The following FGF10 variants were observed in gnomAD, a reference collection of about 807,000 sequenced individuals.
The protein encoded by FGF10 is FGF-10.
A neutral mutation model predicts 19.8 loss-of-function variants in FGF10; 2 were observed. That is an observed-to-expected ratio of 0.10 (90% CI 0.04 to 0.32). The LOEUF is 0.32. FGF10 is among the 10% of genes least tolerant of loss of function. The pLI is 1.00. For missense variants in FGF10, 191 were observed against 246.3 expected, an observed-to-expected ratio of 0.78 and a Z score of 1.50; for synonymous variants, 112 against 94.0, an observed-to-expected ratio of 1.19 and a Z score of -1.10.
chr5:44,353,597 GAGCTC>G (rs1319615866), intron 1 of FGF10, among the ~76,000 whole-genome samples: 105 of 151,438 alleles, frequency 6.9e-4, no homozygotes, highest in Non-Finnish European at 1.2e-4. Flanking sequence ...AATATTATGA[GAGCTC>G]AGGTACCTTC....
intron 1 of FGF10, among the ~76,000 whole-genome samples, chr5:44,322,348 C>T (rs1740513293): frequency 6.6e-6 from 1 of 152,148 alleles, no homozygotes; most frequent in South Asian, 2.1e-4. Flanking sequence ...GATGAGTGAA[C>T]ATTGGGATTT....
intron 1 of FGF10, among the ~76,000 whole-genome samples, chr5:44,312,369 C>T (rs946311692): frequency 1.3e-5 from 2 of 151,990 alleles, no homozygotes; most frequent in African/African-American, 2.4e-5. Context: ...TGATAAAGGT[C>T]GGTAATAATG....
intron 1 of FGF10, among the ~76,000 whole-genome samples, chr5:44,320,282 CTAGCACTTAATT>C (rs1740453170): frequency 6.6e-6 from 1 of 152,200 alleles, no homozygotes; most frequent in African/African-American, 2.4e-5. Flanking sequence ...AAGTCAGAAT[CTAGCACTTAATT>C]TAGTCCATGT....
chr5:44,308,490 T>C (rs1740134633), intron 2 of FGF10, among the ~76,000 whole-genome samples: 1 of 152,190 alleles, frequency 6.6e-6, no homozygotes, highest in Non-Finnish European at 1.5e-5. Context: ...ATGTACCTGG[T>C]TCTCTTCCCC....
At chr5:44,380,999 G>A (rs1400688520) in intron 1 of FGF10, among the ~76,000 whole-genome samples, 2 of 152,078 alleles carry the variant, frequency 1.3e-5, no homozygotes, top group Non-Finnish European at 2.9e-5. Flanking sequence ...CCAGACAAAG[G>A]CAAAAATGTG....
At chr5:44,344,458 A>C (rs1405633398) in intron 1 of FGF10, among the ~76,000 whole-genome samples, 2 of 151,868 alleles carry the variant, frequency 1.3e-5, no homozygotes, top group Non-Finnish European at 2.9e-5. Flanking sequence ...TTATTACAAA[A>C]TTTCAAACAA....
intron 1 of FGF10, among the ~76,000 whole-genome samples, chr5:44,357,312 C>T (rs956850598): frequency 1.3e-5 from 2 of 151,518 alleles, no homozygotes; most frequent in South Asian, 4.2e-4. Flanking sequence ...AAAGTCACAG[C>T]TTCCCAGTGT....
At chr5:44,340,096 C>T (rs1448041) in intron 1 of FGF10, among the ~76,000 whole-genome samples, 18,313 of 151,952 alleles carry the variant, frequency 0.12, 2,719 homozygotes, top group African/African-American at 0.34. Flanking sequence ...TTTTCCATTT[C>T]GCACACATCT....
intron 1 of FGF10, among the ~76,000 whole-genome samples, chr5:44,369,492 T>C (rs1015123570): frequency 6.6e-6 from 1 of 152,080 alleles, no homozygotes; most frequent in Non-Finnish European, 1.5e-5. Flanking sequence ...AGGGAAGAGC[T>C]CTCAATCCCT....
chr5:44,385,990 G>A (rs1033473618), intron 1 of FGF10, among the ~76,000 whole-genome samples: 9 of 152,014 alleles, frequency 5.9e-5, no homozygotes, highest in Admixed American at 2.0e-4. Context: ...ACTGTTAACC[G>A]TTGATTAAGA....
intron 1 of FGF10, among the ~76,000 whole-genome samples, chr5:44,340,446 T>C (rs1740943667): frequency 6.6e-6 from 1 of 152,092 alleles, no homozygotes; most frequent in Non-Finnish European, 1.5e-5. Context: ...AAAAATATTA[T>C]GAGATATAAT....
In FGF10 at chr5:44,388,421, A is replaced by G; in HGVS notation, c.262T>C (p.Tyr88His). Reference protein sequence around the residue: ...RWRKLFSFTKYFLKIEKNGKV... With the variant: ...RWRKLFSFTKHFLKIEKNGKV... ...CCGTTCTTCTCAATCTTGAGAAAGT[A>G]CTTGGTGAAAGAGAATAGCTTTCTC... Residue 88 changes from tyrosine to histidine, a missense_variant, in exon 1 of 3, where the codon TAC becomes CAC. This residue lies in a region of FGF10 where 99 missense variants were observed against 161.7 expected (regional missense o/e 0.61). Coordinates refer to ENST00000264664, the MANE Select transcript of FGF10 (RefSeq NM_004465.2). 6.2e-7 allele frequency: 1 copy of G among 1,613,896 alleles called. No homozygotes were observed. Among genetic ancestry groups the G allele is most frequent in the Non-Finnish European group, 8.5e-7 (1 of 1,180,002 alleles).
chr5:44,349,451 T>TATATATATATATATATATATATATCATA (rs1741178685), intron 1 of FGF10, among the ~76,000 whole-genome samples: 1 of 16,696 alleles, frequency 6.0e-5, no homozygotes, highest in Non-Finnish European at 1.6e-4. Flanking sequence ...TATATATATA[T>TATATATATATATATATATATATATCATA]ATATATATAT....
chr5:44,342,571 C>T (rs768285364), intron 1 of FGF10, among the ~76,000 whole-genome samples: 12 of 150,856 alleles, frequency 8.0e-5, no homozygotes, highest in Non-Finnish European at 1.6e-4. Context: ...CTGATTGCCA[C>T]GTATAGGTTA....
intron 1 of FGF10, among the ~76,000 whole-genome samples, chr5:44,319,533 T>G (rs1740432108): frequency 6.6e-6 from 1 of 152,186 alleles, no homozygotes; most frequent in South Asian, 2.1e-4. Context: ...TGAGTAGTTT[T>G]AAATACTTAA....
chr5:44,334,892 T>C (rs1181933300), intron 1 of FGF10, among the ~76,000 whole-genome samples: 2 of 152,136 alleles, frequency 1.3e-5, no homozygotes. Flanking sequence ...AAATCATGAG[T>C]AAGCATAAGA....
rs535006825 is a variant in FGF10 at position 44,300,409 on chromosome 5, G to A, written c.*4586C>T. 2.6e-5 allele frequency among the ~76,000 whole-genome samples: 4 copies of A among 152,160 alleles called. No individual in the cohort carries two copies. In the South Asian group the frequency reaches 8.3e-4, roughly 32 times the overall value. ...TATTGTGATACAGGTTGAAGTAGGA[G>A]GACCAGCTTTTTATTCAGTGAAAAC... On this transcript the variant is annotated 3_prime_UTR_variant, in exon 3 of 3. Transcript: ENST00000264664.
intron 1 of FGF10, among the ~76,000 whole-genome samples, chr5:44,330,087 C>A (rs757941216): frequency 6.6e-6 from 1 of 152,120 alleles, no homozygotes; most frequent in Admixed American, 6.6e-5. Flanking sequence ...AGTATTTACC[C>A]AATACTTACT....
chr5:44,338,045 T>A (rs1241748122), intron 1 of FGF10, among the ~76,000 whole-genome samples: 1 of 152,190 alleles, frequency 6.6e-6, no homozygotes, highest in African/African-American at 2.4e-5. Context: ...TATTCTAACA[T>A]GTAATTATTA....
Sources: gnomAD v4.1 joint callset for allele counts (sites outside exome capture counted in the v4.1 genomes callset) on GRCh38, gnomAD v4.1.1 for gene constraint, gnomAD v4.1.1 regional missense constraint, MANE v1.5 for transcripts, NCBI Gene and HGNC (gene_info 2026-07-23, HGNC 2026-07-21) for gene names.